The following CTNNA2 variants were observed in gnomAD, a reference collection of about 807,000 sequenced individuals.
CTNNA2 encodes catenin alpha-2.
In CTNNA2, 42 loss-of-function variants were observed where a neutral mutation model predicts 101.0. That is an observed-to-expected ratio of 0.42 (90% CI 0.32 to 0.54). The LOEUF (loss-of-function observed/expected upper bound fraction) is 0.54, where lower values mean the gene tolerates loss of function less well. CTNNA2 is among the 20% of genes least tolerant of loss of function. CTNNA2 has a pLI of 0.14. For synonymous variants in CTNNA2, 450 were observed against 456.4 expected, an observed-to-expected ratio of 0.99 and a Z score of 0.18; for missense variants, 871 against 1,223.1, an observed-to-expected ratio of 0.71 and a Z score of 4.29.
chr2:79,445,136 C>T (rs1441760714), intron 4 of CTNNA2, among the ~76,000 whole-genome samples: 3 of 152,108 alleles, frequency 2.0e-5, no homozygotes, highest in Non-Finnish European at 4.4e-5. Flanking sequence ...ACTTCAATTG[C>T]CACCATTATT....
chr2:79,754,168 C>T (rs952573843), intron 3 of CTNNA2, among the ~76,000 whole-genome samples: 7 of 152,016 alleles, frequency 4.6e-5, no homozygotes, highest in African/African-American at 1.7e-4. Context: ...TGCCTGGCCT[C>T]ACTATTTCAT....
At chr2:80,439,159 T>A (rs1396561744) in intron 9 of CTNNA2, among the ~76,000 whole-genome samples, 8 of 152,236 alleles carry the variant, frequency 5.3e-5, no homozygotes, top group Admixed American at 5.2e-4. Context: ...ATTTTTTGAC[T>A]ACTTTCGGGT....
chr2:79,534,528 A>G (rs1672937491), intron 1 of CTNNA2, among the ~76,000 whole-genome samples: 1 of 149,384 alleles, frequency 6.7e-6, no homozygotes, highest in Non-Finnish European at 1.5e-5. Context: ...AAACTTGTGA[A>G]CAGTTTTTTT....
At chr2:80,284,812 A>G (rs1674631151) in intron 7 of CTNNA2, among the ~76,000 whole-genome samples, 1 of 152,108 alleles carries the variant, frequency 6.6e-6, no homozygotes, top group South Asian at 2.1e-4. Context: ...ATTGGTTAAG[A>G]TGATTATGGT....
intron 3 of CTNNA2, among the ~76,000 whole-genome samples, chr2:79,324,805 G>A (rs774871720): frequency 1.3e-5 from 2 of 152,008 alleles, no homozygotes; most frequent in East Asian, 1.9e-4. Context: ...TGAATGGTTC[G>A]TGCCCAGAAG....
At chr2:79,758,346 C>T (rs1414402338) in intron 3 of CTNNA2, among the ~76,000 whole-genome samples, 1 of 152,192 alleles carries the variant, frequency 6.6e-6, no homozygotes, top group East Asian at 1.9e-4. Flanking sequence ...TTGATGCAAA[C>T]CAGGCAGTCT....
chr2:80,097,598 T>G (rs1700239169), intron 7 of CTNNA2, among the ~76,000 whole-genome samples: 1 of 152,208 alleles, frequency 6.6e-6, no homozygotes, highest in Non-Finnish European at 1.5e-5. Flanking sequence ...TCCCGCAGAG[T>G]GTTTTCCAAC....
chr2:80,518,049 C>T (rs1689239725), intron 9 of CTNNA2, among the ~76,000 whole-genome samples: 1 of 152,124 alleles, frequency 6.6e-6, no homozygotes, highest in Admixed American at 6.6e-5. Flanking sequence ...CCAGACTTGC[C>T]ATTAGACTGC....
intron 1 of CTNNA2, among the ~76,000 whole-genome samples, chr2:79,561,910 T>A (rs1345262158): frequency 6.6e-6 from 1 of 151,932 alleles, no homozygotes; most frequent in Non-Finnish European, 1.5e-5. Flanking sequence ...CTGTGAAATG[T>A]CTTTTCAGTT....
At chr2:80,362,041 G>T (rs1460943910) in intron 7 of CTNNA2, among the ~76,000 whole-genome samples, 1 of 152,116 alleles carries the variant, frequency 6.6e-6, no homozygotes, top group Non-Finnish European at 1.5e-5. Context: ...TAATTAGGGT[G>T]ACCATCTGTT....
At chr2:80,603,807 G>A (rs1157688418) in intron 15 of CTNNA2, 2 of 380,574 alleles carry the variant, frequency 5.3e-6, no homozygotes, top group Non-Finnish European at 4.8e-6. Flanking sequence ...CTCTTGTGAT[G>A]ATCTTTTATA....
intron 3 of CTNNA2, chr2:79,340,235 G>A (rs1180800714): frequency 6.6e-6 from 1 of 152,098 alleles, no homozygotes; most frequent in African/African-American, 2.4e-5. Flanking sequence ...ATCTCTGTGT[G>A]CATGTAACAA....
At chr2:79,950,266 G>T (rs1293848103) in intron 7 of CTNNA2, among the ~76,000 whole-genome samples, 1 of 152,058 alleles carries the variant, frequency 6.6e-6, no homozygotes, top group African/African-American at 2.4e-5. Flanking sequence ...GCAAATATTT[G>T]TCCCTTTCTG....
intron 18 of CTNNA2, among the ~76,000 whole-genome samples, chr2:80,622,207 G>A (rs1671203202): frequency 1.3e-5 from 2 of 151,864 alleles, no homozygotes; most frequent in Non-Finnish European, 2.9e-5. Context: ...AGTGAATTGA[G>A]TAATTATAAA....
chr2:79,214,253 G>A (rs973089987), intron 2 of CTNNA2, among the ~76,000 whole-genome samples: 6 of 152,198 alleles, frequency 3.9e-5, no homozygotes, highest in Non-Finnish European at 8.8e-5. Flanking sequence ...AGCCTGATGG[G>A]TGTCAGGGTC....
chr2:80,391,701 A>C (rs1677534202), intron 7 of CTNNA2, among the ~76,000 whole-genome samples: 1 of 152,224 alleles, frequency 6.6e-6, no homozygotes, highest in Admixed American at 6.5e-5. Context: ...AGTCACACTC[A>C]CTGCACAACC....
intron 7 of CTNNA2, among the ~76,000 whole-genome samples, chr2:80,188,773 C>CCTCCCCG (rs1706286193): frequency 6.6e-6 from 1 of 152,106 alleles, no homozygotes; most frequent in African/African-American, 2.4e-5. Flanking sequence ...GTCGAGGTAA[C>CCTCCCCG]CTCCCCGTCT....
At chr2:80,286,353 G>A (rs1023036678) in intron 7 of CTNNA2, among the ~76,000 whole-genome samples, 4 of 152,098 alleles carry the variant, frequency 2.6e-5, no homozygotes, top group Non-Finnish European at 4.4e-5. Context: ...GGAAACACTA[G>A]TCTGGACTCT....
rs117611404 is a variant in CTNNA2, at chr2:79,587,128, G to A, written c.-5-64424G>A. Among the ~76,000 whole-genome samples, 1,243 of 152,128 alleles carry A rather than the reference G, an allele frequency of 8.2e-3. 46 individuals are homozygous for A. The East Asian group carries it at 0.099, about 12-fold the overall frequency. On this transcript the variant is annotated intron_variant, in intron 1 of 18. Coordinates refer to ENST00000402739, the MANE Select transcript of CTNNA2 (RefSeq NM_001282597.3). ...AATTGTGAATTGTGCTGCTATAAAC[G>A]TGTGTGCGCGTGTGTCTTTTTTATG...
Sources: gnomAD v4.1 joint callset for allele counts (sites outside exome capture counted in the v4.1 genomes callset) on GRCh38, gnomAD v4.1.1 for gene constraint, MANE v1.5 for transcripts, NCBI Gene and HGNC (gene_info 2026-07-23, HGNC 2026-07-21) for gene names.